The following LRRC74A variants were observed in gnomAD, a reference collection of about 807,000 sequenced individuals.
LRRC74A encodes leucine rich repeat containing 74A.
A neutral mutation model predicts 57.9 loss-of-function variants in LRRC74A; 44 were observed. The observed-to-expected ratio is 0.76, with a 90% CI of 0.60 to 0.98. The LOEUF is 0.98. Ranked by LOEUF, LRRC74A falls within the 50% of genes least tolerant of loss-of-function variation. The probability of loss-of-function intolerance (pLI) is 0.00; values close to 1 mark genes in which losing one functional copy is unlikely to be tolerated. For missense variants in LRRC74A, 572 were observed against 574.0 expected (o/e 1.00, Z 0.04); for synonymous variants, 211 against 219.4 (o/e 0.96, Z 0.34).
At chr14:76,841,593 T>A (rs1159121153) in intron 5 of LRRC74A, among the ~76,000 whole-genome samples, 1 of 152,202 alleles carries the variant, frequency 6.6e-6, no homozygotes, top group Admixed American at 6.5e-5. Context: ...TGGTTGGGGT[T>A]CCATTTAATA....
chr14:76,844,562 G>A, intron 6 of LRRC74A, 90 bp downstream of exon 6: 11 of 1,334,246 alleles, frequency 8.2e-6, no homozygotes, highest in South Asian at 1.3e-5. Context: ...AGTAACGTGA[G>A]GCTACTTTCA....
chr14:76,869,534 C>T (rs1438934996), intron 13 of LRRC74A, among the ~76,000 whole-genome samples: 2 of 152,064 alleles, frequency 1.3e-5, no homozygotes, highest in Non-Finnish European at 2.9e-5. Flanking sequence ...TGGTGGAGCA[C>T]GAGGTCAGGA....
At chr14:76,856,559 G>A (rs139915639) in intron 9 of LRRC74A, among the ~76,000 whole-genome samples, 11 of 144,110 alleles carry the variant, frequency 7.6e-5, no homozygotes, top group African/African-American at 2.5e-4. Flanking sequence ...TGGATGAGCG[G>A]TGAGATGAAC....
rs371403927 is a variant in LRRC74A at position 76,826,559 on chromosome 14, G to T, written c.-139G>T. The T allele has an allele frequency of 5.0e-6, 8 of 1,612,456 alleles. No individual in the cohort carries two copies. Among genetic ancestry groups the T allele is most frequent in the Admixed American group, 1.7e-5 (1 of 59,858 alleles). The stretch of plus-strand genomic sequence containing the variant: ...GGCTTGCTGGGAGGGAAGGATAACT[G>T]CAGGCTCCCCTGGGATGCCCCCAGG... On this transcript the variant is annotated 5_prime_UTR_variant, in exon 1 of 14. Coordinates refer to ENST00000689127, the MANE Select transcript of LRRC74A (RefSeq NM_001385106.1).
At chr14:76,862,838 G>A (rs1184877039) in intron 11 of LRRC74A, among the ~76,000 whole-genome samples, 4 of 152,198 alleles carry the variant, frequency 2.6e-5, no homozygotes, top group Non-Finnish European at 5.9e-5. Context: ...AAGAGGCAAA[G>A]CTGGCAAGGG....
chr14:76,832,691 A>G (rs1018517827), intron 3 of LRRC74A, among the ~76,000 whole-genome samples: 3 of 152,194 alleles, frequency 2.0e-5, no homozygotes, highest in African/African-American at 7.2e-5. Context: ...GGGGGATTAA[A>G]TCATCAGGAG....
chr14:76,859,401 G>A (rs1272178539), intron 10 of LRRC74A, among the ~76,000 whole-genome samples: 1 of 152,014 alleles, frequency 6.6e-6, no homozygotes, highest in Admixed American at 6.6e-5. Context: ...GGCCATGGTG[G>A]CGCATGCCTG....
At chr14:76,852,314 TG>T in intron 7 of LRRC74A, 50 bp from the exon 8 acceptor site, 1 of 1,426,506 alleles carries the variant, frequency 7.0e-7, no homozygotes, top group Admixed American at 1.9e-5. Flanking sequence ...ACTCTGAGAA[TG>T]GGTTTTCTGG....
In LRRC74A at chr14:76,826,408, A is replaced by G. The variant is rs902816059; in HGVS notation, c.-290A>G. 6.0e-6 allele frequency: 6 copies of G among 993,938 alleles called. 1 individual carries two copies. In the South Asian group the frequency reaches 1.0e-4, roughly 17 times the overall value. The allele number at this position is 993,938 out of a possible 1,614,324, so 61.6% of individuals were successfully genotyped here. A position where few individuals can be genotyped will look rare whatever the true frequency, so the allele number is the denominator to read the frequency against. The stretch of plus-strand genomic sequence containing the variant: ...TCACAGGCGGGTGGGGATCCTTTCA[A>G]CAGGGCTCCCAGCAATAGAGCAGTC... On this transcript the variant is annotated 5_prime_UTR_variant, in exon 1 of 14. Transcript: ENST00000689127.
In LRRC74A at chr14:76,828,978, G is replaced by T; in HGVS notation, c.166+559G>T. On this transcript the variant is annotated intron_variant, in intron 2 of 13. Transcript: ENST00000689127. Reference sequence around the variant, plus strand: ...TTCCCACACTCACCTTAGAGCTCTGGTTTCCCCTACTTTTCTTGATAAATC... The same window carrying T: ...TTCCCACACTCACCTTAGAGCTCTGTTTTCCCCTACTTTTCTTGATAAATC... 3 of 1,284,618 alleles carry T rather than the reference G, an allele frequency of 2.3e-6. No individual in the cohort carries two copies. The South Asian group carries it at 3.7e-5, about 16-fold the overall frequency. 79.6% of individuals were successfully genotyped at this position (1,284,618 alleles called of 1,614,324 possible).
intron 12 of LRRC74A, 66 bp downstream of exon 12, chr14:76,866,141 A>G: frequency 1.2e-5 from 15 of 1,215,582 alleles, no homozygotes; most frequent in Non-Finnish European, 1.8e-5. Flanking sequence ...TGTCAGAGAG[A>G]GGGGAGAGGA....
At chr14:76,836,152 G>A in intron 3 of LRRC74A, 55 bp from the exon 4 acceptor site, 1 of 1,338,244 alleles carries the variant, frequency 7.5e-7, no homozygotes, top group East Asian at 2.3e-5. Context: ...GCAGGGAACT[G>A]ACTGGGTCAC....
chr14:76,842,398 C>A (rs944487397), intron 5 of LRRC74A, among the ~76,000 whole-genome samples: 4 of 152,214 alleles, frequency 2.6e-5, no homozygotes, highest in African/African-American at 9.6e-5. Flanking sequence ...ACAGAAAGTT[C>A]TTTGTAAAAA....
chr14:76,828,264 A>G (rs763117012), intron 1 of LRRC74A, 27 bp from the exon 2 acceptor site: 4 of 1,568,092 alleles, frequency 2.6e-6, no homozygotes, highest in Admixed American at 1.8e-5. Context: ...TATTCCTGGC[A>G]TCAAGGAGAT....
intron 1 of LRRC74A, 97 bp downstream of exon 1, chr14:76,826,831 C>T (rs1895610015): frequency 9.2e-6 from 7 of 761,788 alleles, no homozygotes; most frequent in Non-Finnish European, 1.4e-5. Flanking sequence ...CTTCTTTCCT[C>T]ACCTGGGACC....
intron 11 of LRRC74A, among the ~76,000 whole-genome samples, chr14:76,862,737 G>A (rs1595397336): frequency 6.6e-6 from 1 of 152,144 alleles, no homozygotes; most frequent in Non-Finnish European, 1.5e-5. Flanking sequence ...GTTCCGGCGA[G>A]AGGCTCCTGC....
chr14:76,838,721 C>A (rs2140270886), intron 5 of LRRC74A, among the ~76,000 whole-genome samples: 1 of 152,290 alleles, frequency 6.6e-6, no homozygotes, highest in Middle Eastern at 3.4e-3. Flanking sequence ...CAGAGAAGAT[C>A]TGAAGAGTGT....
At chr14:76,862,447 TCGAC>T (rs1898385653) in intron 11 of LRRC74A, among the ~76,000 whole-genome samples, 1 of 194 alleles carries the variant, frequency 5.2e-3, no homozygotes, top group Non-Finnish European at 0.029. Flanking sequence ...CAAGAATCGC[TCGAC>T]GCTTGAACCC....
intron 6 of LRRC74A, 30 bp downstream of exon 6, chr14:76,844,502 G>A (rs368725725): frequency 1.7e-4 from 269 of 1,607,648 alleles, no homozygotes; most frequent in Middle Eastern, 3.3e-4. Context: ...GCCAAGCCAC[G>A]TGGGCGATGT....
Sources: allele counts gnomAD v4.1 joint callset (sites outside exome capture counted in the v4.1 genomes callset), GRCh38; gene constraint gnomAD v4.1.1; transcripts MANE v1.5; gene names NCBI Gene and HGNC (gene_info 2026-07-23, HGNC 2026-07-21).